MTCL2: variants seen among roughly 807,000 people sequenced by gnomAD.
MTCL2 encodes the protein microtubule cross-linking factor 2.
At chr20:36,858,352 T>A in the MTCL2 span, among the ~76,000 whole-genome samples, 23 of 28,184 alleles carry the variant, frequency 8.2e-4, no homozygotes, top group African/African-American at 1.0e-3. Context: ...ACACACACAC[T>A]GGCTGCACTT....
At chr20:36,786,061 A>C in the MTCL2 span, 1 of 986,666 alleles carries the variant, frequency 1.0e-6, no homozygotes, top group South Asian at 4.7e-5. Context: ...TCCCAAATGA[A>C]GGGGTGGATG....
the MTCL2 span, chr20:36,808,751 G>A: frequency 1.3e-6 from 2 of 1,571,446 alleles, no homozygotes; most frequent in Non-Finnish European, 1.7e-6. Flanking sequence ...CAGCTGCCGG[G>A]GGACAAGAGC....
At chr20:36,841,874 G>GGGGTGTGTGTGTGTGTGTGTGTGTGT in the MTCL2 span, among the ~76,000 whole-genome samples, 6 of 110,768 alleles carry the variant, frequency 5.4e-5, no homozygotes, top group East Asian at 3.7e-4. Flanking sequence ...TGGGGGGTGG[G>GGGGTGTGTGTGTGTGTGTGTGTGTGT]GTGTGTGTGT....
chr20:36,823,719 G>T, the MTCL2 span, among the ~76,000 whole-genome samples: 736 of 152,230 alleles, frequency 4.8e-3, 23 homozygotes, highest in East Asian at 0.071. Flanking sequence ...GAGGCAGGAG[G>T]ATCTCTTGAG....
At chr20:36,829,306 C>T in the MTCL2 span, 5 of 1,297,932 alleles carry the variant, frequency 3.9e-6, no homozygotes, top group Non-Finnish European at 5.2e-6. Context: ...AGCAGGGCAA[C>T]CCTAGAGACA....
chr20:36,825,139 C>T, the MTCL2 span, among the ~76,000 whole-genome samples: 1 of 152,048 alleles, frequency 6.6e-6, no homozygotes, highest in African/African-American at 2.4e-5. Context: ...AGTGGGGTTT[C>T]ACCATGTTGG....
At chr20:36,785,776 C>T in the MTCL2 span, 1 of 985,554 alleles carries the variant, frequency 1.0e-6, no homozygotes, top group Non-Finnish European at 1.2e-6. Flanking sequence ...ATTGCAATCA[C>T]TCCCCAACCC....
chr20:36,834,727 C>A, the MTCL2 span, among the ~76,000 whole-genome samples: 1 of 152,100 alleles, frequency 6.6e-6, no homozygotes, highest in African/African-American at 2.4e-5. Flanking sequence ...CCAGACCAGG[C>A]ATGGTGGCTC....
chr20:36,812,833 G>T, the MTCL2 span: 1 of 1,612,022 alleles, frequency 6.2e-7, no homozygotes, highest in Non-Finnish European at 8.5e-7. Flanking sequence ...GCAGGTCCCT[G>T]AAGTCAGGTG....
chr20:36,801,327 C>A, the MTCL2 span, among the ~76,000 whole-genome samples: 1 of 152,030 alleles, frequency 6.6e-6, no homozygotes, highest in Non-Finnish European at 1.5e-5. Flanking sequence ...ATAAGGAAGG[C>A]CTCCATACTC....
chr20:36,803,728 G>A, the MTCL2 span, among the ~76,000 whole-genome samples: 2 of 151,900 alleles, frequency 1.3e-5, no homozygotes, highest in Non-Finnish European at 1.5e-5. Context: ...GGCTGAGGCC[G>A]GCAGATCACT....
the MTCL2 span, chr20:36,815,679 T>C: frequency 1.9e-6 from 3 of 1,607,350 alleles, no homozygotes; most frequent in Non-Finnish European, 2.5e-6. The surrounding 1 kb of genome is among the most constrained non-coding windows in gnomAD (Gnocchi z 5.3). Flanking sequence ...CTGCAGCTTC[T>C]TGACCTTGCC....
At chr20:36,827,255 G>A in the MTCL2 span, among the ~76,000 whole-genome samples, 2 of 151,264 alleles carry the variant, frequency 1.3e-5, no homozygotes, top group African/African-American at 4.9e-5. Context: ...GTTTCGCCAT[G>A]TTGGCCAGGC....
At chr20:36,793,453 G>T in the MTCL2 span, 1 of 1,551,182 alleles carries the variant, frequency 6.4e-7, no homozygotes, top group Non-Finnish European at 8.7e-7. The surrounding 1 kb of genome is among the most constrained non-coding windows in gnomAD (Gnocchi z 6.8). Context: ...CTGCTGATGA[G>T]GTGGGGCTCG....
chr20:36,789,357 A>G, the MTCL2 span, among the ~76,000 whole-genome samples: 4 of 152,208 alleles, frequency 2.6e-5, no homozygotes, highest in African/African-American at 9.6e-5. Context: ...GTGCTTTGAG[A>G]TGAGATTAAC....
At chr20:36,783,865 C>T in the MTCL2 span, 54 of 985,372 alleles carry the variant, frequency 5.5e-5, no homozygotes, top group African/African-American at 3.5e-4. Flanking sequence ...TGCTAAAAAC[C>T]GAACCAAACC....
At chr20:36,842,122 C>T in the MTCL2 span, among the ~76,000 whole-genome samples, 3 of 152,102 alleles carry the variant, frequency 2.0e-5, no homozygotes, top group African/African-American at 7.2e-5. Flanking sequence ...CCAGCTGTTC[C>T]TCACTTCTCC....
the MTCL2 span, chr20:36,829,054 C>T: frequency 6.5e-7 from 1 of 1,546,414 alleles, no homozygotes; most frequent in Non-Finnish European, 8.7e-7. Context: ...AGGTCCTCAC[C>T]TCTCTCGGTC....
At chr20:36,811,642 CA>C in the MTCL2 span, among the ~76,000 whole-genome samples, 1 of 148,644 alleles carries the variant, frequency 6.7e-6, no homozygotes, top group Admixed American at 6.7e-5. Flanking sequence ...AAAAAAAAAA[CA>C]AAAAAAAGAA....
Sources: gnomAD v4.1 joint callset for allele counts (sites outside exome capture counted in the v4.1 genomes callset) on GRCh38, gnomAD v4.1.1 for gene constraint, Gnocchi (gnomAD v3.1) non-coding constraint, MANE v1.5 for transcripts, NCBI Gene and HGNC (gene_info 2026-07-23, HGNC 2026-07-21) for gene names.